Variants in METTL15 observed in about 807,000 individuals in gnomAD.
The protein encoded by METTL15 is methyltransferase 15, mitochondrial 12S rRNA N4-cytidine.
METTL15 carries 34 observed loss-of-function variants against 38.3 expected under a neutral mutation model. That is an observed-to-expected ratio of 0.89 (90% CI 0.68 to 1.18). The LOEUF (loss-of-function observed/expected upper bound fraction) is 1.18, where lower values mean the gene tolerates loss of function less well. Ranked by LOEUF, METTL15 falls within the 50% of genes most tolerant of loss-of-function variation. The pLI, the probability that METTL15 is intolerant of heterozygous loss-of-function variation, is 0.00. For synonymous variants in METTL15, 162 were observed against 170.9 expected, an observed-to-expected ratio of 0.95 and a Z score of 0.41; for missense variants, 438 against 498.4, an observed-to-expected ratio of 0.88 and a Z score of 1.15.
intron 6 of METTL15, among the ~76,000 whole-genome samples, chr11:28,477,272 G>A (rs933228000): frequency 6.6e-6 from 1 of 152,130 alleles, no homozygotes; most frequent in African/African-American, 2.4e-5. Context: ...CGCCTCCTGT[G>A]TTCATGCAAT....
intron 5 of METTL15, among the ~76,000 whole-genome samples, chr11:28,399,799 T>C (rs1850613020): frequency 6.6e-6 from 1 of 151,964 alleles, no homozygotes; most frequent in African/African-American, 2.4e-5. Context: ...TGCACAAATA[T>C]TGGGATGTAT....
intron 6 of METTL15, among the ~76,000 whole-genome samples, chr11:28,480,099 TAAAA>T (rs1055503719): frequency 2.6e-5 from 4 of 152,220 alleles, no homozygotes; most frequent in African/African-American, 7.2e-5. Flanking sequence ...CTGAATTAGA[TAAAA>T]ATTTCAGAAT....
chr11:28,307,748 A>G (rs149602346), intron 6 of METTL15, among the ~76,000 whole-genome samples: 2 of 152,006 alleles, frequency 1.3e-5, no homozygotes, highest in Non-Finnish European at 2.9e-5. Context: ...TTCTAAGTCT[A>G]CTTTGTGCTG....
At chr11:28,478,935 C>A (rs2582903) in intron 6 of METTL15, among the ~76,000 whole-genome samples, 150,868 of 152,252 alleles carry the variant, frequency 0.99, 74,769 homozygotes, top group East Asian at 1. Flanking sequence ...AAGGGAGGCC[C>A]CATGGTTAAG....
chr11:28,145,715 C>G (rs995425772), intron 3 of METTL15: 3 of 151,952 alleles, frequency 2.0e-5, no homozygotes, highest in Non-Finnish European at 4.4e-5. Flanking sequence ...TACATTATTA[C>G]TCTGTGATTT....
At chr11:28,318,366 T>G (rs930315257) in intron 6 of METTL15, among the ~76,000 whole-genome samples, 2 of 149,116 alleles carry the variant, frequency 1.3e-5, no homozygotes, top group African/African-American at 5.0e-5. Context: ...AATTTGATTT[T>G]ATATATATAT....
intron 5 of METTL15, among the ~76,000 whole-genome samples, chr11:28,373,359 C>T (rs1296977531): frequency 1.3e-5 from 2 of 152,046 alleles, no homozygotes; most frequent in Admixed American, 6.6e-5. Flanking sequence ...ATTTGCATTT[C>T]TCTGATGGCT....
intron 5 of METTL15, among the ~76,000 whole-genome samples, chr11:28,399,318 A>T (rs1354965551): frequency 1.3e-5 from 2 of 152,074 alleles, no homozygotes; most frequent in African/African-American, 4.8e-5. Flanking sequence ...TTAAAGGCTT[A>T]AATGTAAGAC....
intron 6 of METTL15, among the ~76,000 whole-genome samples, chr11:28,434,859 T>C (rs1261882223): frequency 6.6e-6 from 1 of 150,874 alleles, no homozygotes; most frequent in Non-Finnish European, 1.5e-5. Flanking sequence ...CTTCTATGTG[T>C]CTTTCATTCC....
At chr11:28,223,756 C>A (rs149554760) in intron 4 of METTL15, among the ~76,000 whole-genome samples, 1 of 152,082 alleles carries the variant, frequency 6.6e-6, no homozygotes, top group African/African-American at 2.4e-5. Context: ...GAAAAGATGA[C>A]ATGTCAGATC....
intron 3 of METTL15, among the ~76,000 whole-genome samples, chr11:28,181,723 G>A (rs1038713064): frequency 1.3e-5 from 2 of 152,038 alleles, no homozygotes; most frequent in African/African-American, 2.4e-5. Context: ...ACATACGTGT[G>A]TGCATGTGTC....
intron 5 of METTL15, among the ~76,000 whole-genome samples, chr11:28,406,156 T>G (rs886405021): frequency 2.0e-5 from 3 of 152,156 alleles, no homozygotes; most frequent in African/African-American, 7.2e-5. Context: ...ATGTCAATGG[T>G]AGTTTAATGG....
At position 28,245,761 on chromosome 11, in the gene METTL15, C is replaced by A. The variant is rs370842118; in HGVS notation, c.407+34563C>A. Among the ~76,000 whole-genome samples the A allele has an allele frequency of 3.3e-5, 5 of 152,000 alleles. No homozygotes were observed. The South Asian group carries it at 8.3e-4, about 25-fold the overall frequency. ...TGCCTCAGGAAACTTACAGTCATGGCGAAAGGTGAAGGGGAAGCAAGCGTG... is the reference window on the plus strand; with the variant it reads ...TGCCTCAGGAAACTTACAGTCATGGAGAAAGGTGAAGGGGAAGCAAGCGTG... On this transcript the variant is annotated intron_variant, in intron 4 of 6. Transcript: ENST00000407364.
chr11:28,244,056 A>G (rs1565197234), intron 4 of METTL15, among the ~76,000 whole-genome samples: 1 of 152,194 alleles, frequency 6.6e-6, no homozygotes. Context: ...AAGTTCAAAA[A>G]TAGGCAACCT....
At chr11:28,136,596 G>A (rs1323287863) in intron 3 of METTL15, among the ~76,000 whole-genome samples, 1 of 152,004 alleles carries the variant, frequency 6.6e-6, no homozygotes, top group African/African-American at 2.4e-5. Context: ...ACATTAGAAT[G>A]GTAGACATCC....
In METTL15 at chr11:28,452,450, T is replaced by G. The variant is rs1851131210; in HGVS notation, c.*424+28086T>G. 2.0e-5 allele frequency among the ~76,000 whole-genome samples: 3 copies of G among 152,360 alleles called. No homozygotes were observed. The South Asian group carries it at 6.2e-4, about 32-fold the overall frequency. On this transcript the variant is annotated intron_variant and NMD_transcript_variant, in intron 6 of 7. Coordinates refer to the METTL15 transcript ENST00000532947. ...AAGGGCAGCTGTATCTTAATTTATA[T>G]ACCTAAAGTGGTTTACTTGGTGAGA...
chr11:28,504,531 AT>A (rs1458606931), intron 6 of METTL15, among the ~76,000 whole-genome samples: 4 of 152,228 alleles, frequency 2.6e-5, no homozygotes, highest in Non-Finnish European at 4.4e-5. Context: ...TTTTAAAAAA[AT>A]ATATGGGCTA....
At chr11:28,473,413 G>A (rs1336610003) in intron 6 of METTL15, among the ~76,000 whole-genome samples, 1 of 152,272 alleles carries the variant, frequency 6.6e-6, no homozygotes, top group East Asian at 1.9e-4. Flanking sequence ...GGATGAGCAA[G>A]TCTAATGACG....
intron 5 of METTL15, among the ~76,000 whole-genome samples, chr11:28,296,094 A>G (rs1017435659): frequency 6.6e-6 from 1 of 152,134 alleles, no homozygotes; most frequent in African/African-American, 2.4e-5. Context: ...TAAAATTACT[A>G]TCTAGACTTG....
Sources: gnomAD v4.1 joint callset for allele counts (sites outside exome capture counted in the v4.1 genomes callset) on GRCh38, gnomAD v4.1.1 for gene constraint, MANE v1.5 for transcripts, NCBI Gene and HGNC (gene_info 2026-07-23, HGNC 2026-07-21) for gene names.